The following CHCHD6 variants were observed in gnomAD, a reference collection of about 807,000 sequenced individuals.
The protein encoded by CHCHD6 is coiled-coil-helix-coiled-coil-helix domain containing 6.
A neutral mutation model predicts 32.3 loss-of-function variants in CHCHD6; 28 were observed. The ratio of observed to expected loss-of-function variants is 0.87; its 90% confidence interval spans 0.64 to 1.19. CHCHD6 has a LOEUF of 1.19. CHCHD6 is among the 50% of genes most tolerant of loss of function. CHCHD6 has a pLI of 0.00. For synonymous variants in CHCHD6, 122 were observed against 117.5 expected, an observed-to-expected ratio of 1.04 and a Z score of -0.25; for missense variants, 333 against 307.0, an observed-to-expected ratio of 1.08 and a Z score of -0.63.
At chr3:126,957,342 G>A (rs753829404) in intron 6 of CHCHD6, 74 bp from the exon 7 acceptor site, 12 of 1,547,492 alleles carry the variant, frequency 7.8e-6, no homozygotes, top group Non-Finnish European at 1.1e-5. Context: ...GGTAGGTGGA[G>A]TGAATGTGAG....
chr3:126,752,920 G>A (rs1438019551), intron 4 of CHCHD6, among the ~76,000 whole-genome samples: 1 of 152,152 alleles, frequency 6.6e-6, no homozygotes, highest in East Asian at 1.9e-4. Flanking sequence ...CTCAACCCCA[G>A]CTACTTTGTT....
intron 6 of CHCHD6, among the ~76,000 whole-genome samples, chr3:126,928,468 G>C (rs1481102747): frequency 1.3e-5 from 2 of 152,146 alleles, no homozygotes; most frequent in East Asian, 3.9e-4. Context: ...CACCATCAAA[G>C]GAATTGTGTC....
chr3:126,957,785 G>T, intron 7 of CHCHD6: 1 of 606,872 alleles, frequency 1.6e-6, no homozygotes, highest in Non-Finnish European at 3.0e-6. Flanking sequence ...GATCCCTGTT[G>T]CGTTTGCCCT....
intron 4 of CHCHD6, among the ~76,000 whole-genome samples, chr3:126,814,115 G>T (rs1939776293): frequency 6.6e-6 from 1 of 152,176 alleles, no homozygotes; most frequent in East Asian, 1.9e-4. Context: ...CATTTTTCAA[G>T]GTGGGTTATC....
At chr3:126,764,928 T>G (rs1159742081) in intron 4 of CHCHD6, among the ~76,000 whole-genome samples, 1 of 152,122 alleles carries the variant, frequency 6.6e-6, no homozygotes, top group Non-Finnish European at 1.5e-5. Flanking sequence ...CTCTAAGACT[T>G]AAGTCTTAGA....
intron 6 of CHCHD6, among the ~76,000 whole-genome samples, chr3:126,916,705 A>G (rs189625828): frequency 1.3e-5 from 2 of 152,326 alleles, no homozygotes; most frequent in East Asian, 1.9e-4. Flanking sequence ...TCCCCCCGGT[A>G]TGTCCTGTTC....
At chr3:126,876,318 A>G (rs747909578) in intron 5 of CHCHD6, among the ~76,000 whole-genome samples, 3 of 152,244 alleles carry the variant, frequency 2.0e-5, no homozygotes, top group Non-Finnish European at 4.4e-5. Flanking sequence ...AAGCACAGCA[A>G]GGCATTGGGA....
intron 4 of CHCHD6, among the ~76,000 whole-genome samples, chr3:126,824,845 C>A (rs1472146402): frequency 1.3e-5 from 2 of 152,060 alleles, no homozygotes; most frequent in Non-Finnish European, 2.9e-5. Flanking sequence ...TCCCAAAGTG[C>A]TGGGATTACA....
At chr3:126,801,181 A>C (rs757417242) in intron 4 of CHCHD6, among the ~76,000 whole-genome samples, 1 of 152,218 alleles carries the variant, frequency 6.6e-6, no homozygotes, top group Non-Finnish European at 1.5e-5. Flanking sequence ...TACTGGGTTC[A>C]TCTTACTAGG....
rs537114826 is a variant in CHCHD6, at chr3:126,765,782, G to A, written c.411+32560G>A. On this transcript the variant is annotated intron_variant, in intron 4 of 7. Transcript: ENST00000290913. ...TCCACCATCACCTGATTTTCATTTGGACTTCTTTAACAGCTAAAGTAGATA... is the reference window on the plus strand; with the variant it reads ...TCCACCATCACCTGATTTTCATTTGAACTTCTTTAACAGCTAAAGTAGATA... Among the ~76,000 whole-genome samples the A allele has an allele frequency of 2.6e-5, 4 of 152,314 alleles. No individual in the cohort carries two copies. In the South Asian group the frequency reaches 8.3e-4, roughly 32 times the overall value.
intron 4 of CHCHD6, among the ~76,000 whole-genome samples, chr3:126,764,778 T>C (rs547707770): frequency 2.0e-5 from 3 of 152,350 alleles, no homozygotes; most frequent in African/African-American, 7.2e-5. Flanking sequence ...CGGATCAGGC[T>C]GTCTCCTGGA....
chr3:126,907,097 C>A (rs373569529), intron 5 of CHCHD6, among the ~76,000 whole-genome samples: 1 of 152,152 alleles, frequency 6.6e-6, no homozygotes, highest in Non-Finnish European at 1.5e-5. Context: ...TCAGGGGTAA[C>A]AGGTAAAGGC....
intron 6 of CHCHD6, among the ~76,000 whole-genome samples, chr3:126,920,072 TC>T (rs34649072): frequency 6.6e-6 from 1 of 152,142 alleles, no homozygotes; most frequent in South Asian, 2.1e-4. Context: ...AAAAAAAATT[TC>T]CATGCTATAG....
intron 4 of CHCHD6, among the ~76,000 whole-genome samples, chr3:126,773,188 T>C (rs1937574334): frequency 6.6e-6 from 1 of 152,154 alleles, no homozygotes; most frequent in Admixed American, 6.5e-5. Flanking sequence ...AATCTGATGA[T>C]TATATGTCTT....
chr3:126,910,271 A>C (rs2078067678), intron 5 of CHCHD6, among the ~76,000 whole-genome samples: 1 of 144,580 alleles, frequency 6.9e-6, no homozygotes, highest in Admixed American at 6.8e-5. Flanking sequence ...GCCCTGCCTC[A>C]GGAAAAAAAA....
intron 5 of CHCHD6, among the ~76,000 whole-genome samples, chr3:126,871,383 C>T (rs1310574435): frequency 1.3e-5 from 2 of 152,178 alleles, no homozygotes; most frequent in Non-Finnish European, 2.9e-5. Context: ...TGGTTCCCTG[C>T]CCTTCCTGTA....
chr3:126,738,365 G>A (rs894057149), intron 4 of CHCHD6, among the ~76,000 whole-genome samples: 1 of 152,170 alleles, frequency 6.6e-6, no homozygotes, highest in Non-Finnish European at 1.5e-5. Context: ...ATACCCCGTG[G>A]CCGACTGTAT....
intron 5 of CHCHD6, among the ~76,000 whole-genome samples, chr3:126,864,931 A>ATCT (rs371158806): frequency 8.0e-5 from 8 of 100,300 alleles, no homozygotes; most frequent in African/African-American, 3.2e-4. Context: ...CTCCACCATC[A>ATCT]CCTCCTCCTC....
At chr3:126,823,833 GC>G (rs1245171283) in intron 4 of CHCHD6, among the ~76,000 whole-genome samples, 2 of 152,108 alleles carry the variant, frequency 1.3e-5, no homozygotes, top group Non-Finnish European at 2.9e-5. Flanking sequence ...GATTGCTTGA[GC>G]CCAGGAGTTT....
Sources: gnomAD v4.1 joint callset for allele counts (sites outside exome capture counted in the v4.1 genomes callset) on GRCh38, gnomAD v4.1.1 for gene constraint, MANE v1.5 for transcripts, NCBI Gene and HGNC (gene_info 2026-07-23, HGNC 2026-07-21) for gene names.